Variants in DENND4A observed in about 807,000 individuals in gnomAD.
The protein encoded by DENND4A is C-myc promoter-binding protein.
DENND4A carries 70 observed loss-of-function variants against 199.3 expected under a neutral mutation model. The observed-to-expected ratio is 0.35, with a 90% CI of 0.29 to 0.43. The LOEUF (loss-of-function observed/expected upper bound fraction) is 0.43. Ranked by LOEUF, DENND4A falls within the 20% of genes least tolerant of loss-of-function variation. DENND4A has a pLI of 1.00. For synonymous variants in DENND4A, 686 were observed against 766.9 expected, an observed-to-expected ratio of 0.89 and a Z score of 1.74; for missense variants, 1,723 against 2,255.8, an observed-to-expected ratio of 0.76 and a Z score of 4.78.
At chr15:65,729,300 A>T in intron 10 of DENND4A, 53 bp from the exon 11 acceptor site, 1 of 1,524,492 alleles carries the variant, frequency 6.6e-7, no homozygotes, top group African/African-American at 1.4e-5. Flanking sequence ...CTGAAGCATA[A>T]TTTATCAGCA....
chr15:65,684,837 T>TA (rs2076702777), intron 23 of DENND4A, among the ~76,000 whole-genome samples: 1 of 150,712 alleles, frequency 6.6e-6, no homozygotes, highest in Non-Finnish European at 1.5e-5. Context: ...TTTTTTTTTT[T>TA]TTTTGAGACG....
At position 65,661,738 on chromosome 15, in the gene DENND4A, C is replaced by T; in HGVS notation, c.*113G>A. On this transcript the variant is annotated 3_prime_UTR_variant, in exon 33 of 33. Transcript: ENST00000443035. ...CATAAGCTGTCTGAGTCTTTTGAAC[C>T]ATTTACAAATTGTATTTTCAAAAAT... 1 of 939,050 alleles carries T rather than the reference C, an allele frequency of 1.1e-6. No homozygotes were observed. Among genetic ancestry groups the T allele is most frequent in the Non-Finnish European group, 1.5e-6 (1 of 657,124 alleles). The allele number at this position is 939,050 out of a possible 1,614,324, so 58.2% of individuals were successfully genotyped here.
chr15:65,663,074 TA>T (rs1279024151), intron 32 of DENND4A, among the ~76,000 whole-genome samples: 2 of 151,982 alleles, frequency 1.3e-5, no homozygotes, highest in East Asian at 1.9e-4. Context: ...TGATTTTGGT[TA>T]AGTTCTGGCA....
chr15:65,708,484 C>A (rs986808976), intron 14 of DENND4A, among the ~76,000 whole-genome samples: 2 of 152,082 alleles, frequency 1.3e-5, no homozygotes, highest in Admixed American at 1.3e-4. Flanking sequence ...GCACTGTAGA[C>A]TCAATAGCTT....
intron 2 of DENND4A, among the ~76,000 whole-genome samples, chr15:65,758,761 T>C (rs759859268): frequency 2.0e-5 from 3 of 152,206 alleles, no homozygotes; most frequent in Non-Finnish European, 4.4e-5. Flanking sequence ...AAAGATTCCA[T>C]GGACAAATAA....
At chr15:65,745,386 A>T (rs1434359636) in intron 4 of DENND4A, among the ~76,000 whole-genome samples, 1 of 152,192 alleles carries the variant, frequency 6.6e-6, no homozygotes, top group African/African-American at 2.4e-5. Flanking sequence ...AATATAGTTT[A>T]ATGAATTATG....
intron 22 of DENND4A, among the ~76,000 whole-genome samples, chr15:65,692,616 A>G (rs911493216): frequency 6.6e-6 from 1 of 152,202 alleles, no homozygotes; most frequent in African/African-American, 2.4e-5. Context: ...ATATTACTTA[A>G]TAAGGATATA....
intron 1 of DENND4A, among the ~76,000 whole-genome samples, chr15:65,766,250 CAAAAAAA>C (rs5813366): frequency 1.1e-4 from 10 of 93,890 alleles, no homozygotes; most frequent in Admixed American, 1.2e-4. Flanking sequence ...GACTCCACCT[CAAAAAAA>C]AAAAAAAAAA....
intron 22 of DENND4A, among the ~76,000 whole-genome samples, chr15:65,692,260 C>T (rs981122804): frequency 6.6e-5 from 10 of 152,154 alleles, no homozygotes; most frequent in Non-Finnish European, 1.5e-4. Flanking sequence ...TTTACCCTTG[C>T]TTAACATATT....
chr15:65,708,366 A>G (rs1290108183), intron 14 of DENND4A, among the ~76,000 whole-genome samples: 1 of 151,968 alleles, frequency 6.6e-6, no homozygotes, highest in African/African-American at 2.4e-5. Flanking sequence ...CCCTCTCCAT[A>G]TTGGTGCCTA....
At chr15:65,777,926 T>A (rs1660069024) in intron 1 of DENND4A, among the ~76,000 whole-genome samples, 1 of 151,648 alleles carries the variant, frequency 6.6e-6, no homozygotes, top group Non-Finnish European at 1.5e-5. Context: ...TCCCAGCTAC[T>A]GGAAGGCTGA....
chr15:65,724,187 C>T (rs1239171337), intron 11 of DENND4A, among the ~76,000 whole-genome samples: 1 of 152,036 alleles, frequency 6.6e-6, no homozygotes, highest in Non-Finnish European at 1.5e-5. Flanking sequence ...CTCAGCCTCC[C>T]AAGCAGCTGA....
In DENND4A at chr15:65,756,101, T is replaced by A. The variant is rs538827207; in HGVS notation, c.311+39A>T. On this transcript the variant is annotated intron_variant, in intron 3 of 32. Coordinates refer to ENST00000443035, the MANE Select transcript of DENND4A (RefSeq NM_001320835.1). ...TCTCCAAATCTACAAGGCATATTAT[T>A]TGGATCAATAACAGTAAGTCGTTTA... The A allele has an allele frequency of 6.7e-5, 100 of 1,501,040 alleles. 1 individual carries two copies. The South Asian group carries it at 1.2e-3, about 18-fold the overall frequency. 93.0% of individuals were successfully genotyped at this position (1,501,040 alleles called of 1,614,324 possible). A position where few individuals can be genotyped will look rare whatever the true frequency, so the allele number is the denominator to read the frequency against.
chr15:65,707,475 CA>C (rs2075100717), intron 14 of DENND4A, among the ~76,000 whole-genome samples: 1 of 152,094 alleles, frequency 6.6e-6, no homozygotes, highest in African/African-American at 2.4e-5. Context: ...GGAACCAATA[CA>C]TTCAAAAATC....
At chr15:65,746,066 AGGAGGC>A (rs1032403883) in intron 4 of DENND4A, among the ~76,000 whole-genome samples, 53 of 151,760 alleles carry the variant, frequency 3.5e-4, no homozygotes, top group African/African-American at 1.1e-3. Context: ...CCTTGAACCC[AGGAGGC>A]GGAGGTTGCG....
chr15:65,690,888 TATC>T lies in DENND4A; in HGVS notation c.3703_3705del (p.Asp1235del). ...GCAGATGGTGTTGAAATGCTTTTGCTATCATCTTCATCCTCCTCCTCTTCTTCT... is the reference window on the plus strand; with the variant it reads ...GCAGATGGTGTTGAAATGCTTTTGCTATCTTCATCCTCCTCCTCTTCTTCT... On this transcript the variant is annotated inframe_deletion, in exon 23 of 33. Coordinates refer to ENST00000443035, the MANE Select transcript of DENND4A (RefSeq NM_001320835.1). 6.2e-7 allele frequency: 1 copy of T among 1,610,338 alleles called. No homozygotes were observed. Among genetic ancestry groups the T allele is most frequent in the South Asian group, 1.1e-5 (1 of 90,624 alleles).
At position 65,731,627 on chromosome 15, in the gene DENND4A, T is replaced by A. The variant is rs1295280811; in HGVS notation, c.1166+15A>T. On this transcript the variant is annotated intron_variant, in intron 9 of 32. Coordinates refer to ENST00000443035, the MANE Select transcript of DENND4A (RefSeq NM_001320835.1). ...AGATTGAGAGAAAAATAAATAGAAA[T>A]GAGGTTTTACTTGCCTTAGTGGAAG... 3 of 1,520,200 alleles carry A rather than the reference T, an allele frequency of 2.0e-6. No individual in the cohort carries two copies. Among genetic ancestry groups the A allele is most frequent in the Non-Finnish European group, 2.7e-6 (3 of 1,121,950 alleles). 94.2% of individuals were successfully genotyped at this position (1,520,200 alleles called of 1,614,324 possible).
intron 20 of DENND4A, among the ~76,000 whole-genome samples, chr15:65,697,855 G>A (rs760410208): frequency 1.3e-5 from 2 of 152,090 alleles, no homozygotes; most frequent in Non-Finnish European, 2.9e-5. Flanking sequence ...TTATTGATGG[G>A]TAATTAATTT....
intron 11 of DENND4A, among the ~76,000 whole-genome samples, chr15:65,726,955 C>T (rs1214772717): frequency 1.3e-5 from 2 of 151,848 alleles, no homozygotes; most frequent in Admixed American, 6.6e-5. Context: ...GAGACATTGT[C>T]TCAAAAGAAT....
Sources: gnomAD v4.1 joint callset for allele counts (sites outside exome capture counted in the v4.1 genomes callset) on GRCh38, gnomAD v4.1.1 for gene constraint, MANE v1.5 for transcripts, NCBI Gene and HGNC (gene_info 2026-07-23, HGNC 2026-07-21) for gene names.